NPAS3: variants seen among roughly 807,000 people sequenced by gnomAD.
The protein encoded by NPAS3 is neuronal PAS domain-containing protein 3.
NPAS3 carries 14 observed loss-of-function variants against 73.1 expected under a neutral mutation model. That is an observed-to-expected ratio of 0.19 (90% CI 0.13 to 0.30). The LOEUF (loss-of-function observed/expected upper bound fraction) is 0.30. Among genes scored for constraint, NPAS3 ranks in the 10% least tolerant of loss-of-function variants. The pLI, the probability that NPAS3 is intolerant of heterozygous loss-of-function variation, is 1.00. For synonymous variants in NPAS3, 620 were observed against 541.5 expected (o/e 1.14, Z -2.01); for missense variants, 1,096 against 1,250.0 (o/e 0.88, Z 1.86).
chr14:33,602,402 G>A (rs1160691268), intron 5 of NPAS3, among the ~76,000 whole-genome samples: 4 of 152,228 alleles, frequency 2.6e-5, no homozygotes, highest in South Asian at 4.1e-4. Context: ...CCTGTTATCA[G>A]GAGTAGAAGT....
chr14:33,578,257 G>C (rs1042151917), intron 5 of NPAS3: 1 of 455,140 alleles, frequency 2.2e-6, no homozygotes, highest in African/African-American at 2.0e-5. Flanking sequence ...GCAATGACGC[G>C]ATCTCAGCTC....
chr14:33,714,192 C>T (rs1279122496), intron 6 of NPAS3, among the ~76,000 whole-genome samples: 2 of 152,046 alleles, frequency 1.3e-5, no homozygotes, highest in East Asian at 1.9e-4. Flanking sequence ...TCTCCCTCAG[C>T]ATTTCATATT....
intron 1 of NPAS3, among the ~76,000 whole-genome samples, chr14:32,948,113 A>G (rs2036336165): frequency 6.6e-6 from 1 of 152,164 alleles, no homozygotes; most frequent in Non-Finnish European, 1.5e-5. Flanking sequence ...TCTTGCTACC[A>G]GCAGTTTTTA....
intron 7 of NPAS3, among the ~76,000 whole-genome samples, chr14:33,768,137 TG>T (rs1473765998): frequency 6.6e-6 from 1 of 152,236 alleles, no homozygotes; most frequent in Admixed American, 6.5e-5. Context: ...TCAAAGATGA[TG>T]GGATTTCAAC....
intron 4 of NPAS3, among the ~76,000 whole-genome samples, chr14:33,417,974 G>A (rs112942064): frequency 3.4e-4 from 51 of 151,968 alleles, no homozygotes; most frequent in African/African-American, 1.2e-3. Context: ...TTGCACACAC[G>A]CTCATTGTTT....
chr14:33,090,910 G>A (rs560348902), intron 2 of NPAS3, among the ~76,000 whole-genome samples: 52 of 152,246 alleles, frequency 3.4e-4, no homozygotes, highest in Non-Finnish European at 5.7e-4. Context: ...GGTACATAAC[G>A]AAATGAAGGC....
intron 4 of NPAS3, among the ~76,000 whole-genome samples, chr14:33,410,110 G>A (rs2047856494): frequency 6.6e-6 from 1 of 151,958 alleles, no homozygotes; most frequent in African/African-American, 2.4e-5. Flanking sequence ...ATCCTTTGCT[G>A]GTCCAGTGTC....
chr14:33,323,015 C>T (rs914276872), intron 3 of NPAS3, among the ~76,000 whole-genome samples: 1 of 152,182 alleles, frequency 6.6e-6, no homozygotes, highest in Admixed American at 6.5e-5. Flanking sequence ...AGGTCACCAT[C>T]ACTTCTCTCT....
At position 33,626,289 on chromosome 14, in the gene NPAS3, G is replaced by C. The variant is rs574066890; in HGVS notation, c.559-49922G>C. Among the ~76,000 whole-genome samples, 3 of 152,306 alleles carry C rather than the reference G, an allele frequency of 2.0e-5. No homozygotes were observed. In the South Asian group the frequency reaches 6.2e-4, roughly 32 times the overall value. On this transcript the variant is annotated intron_variant, in intron 5 of 11. Coordinates refer to ENST00000356141, the Ensembl canonical transcript of NPAS3. Reference sequence around the variant, plus strand: ...TACCTTTAGAGGGGGACTGCATGCAGTTACAATATTGAGTTCCAGAAGAGG... The same window carrying C: ...TACCTTTAGAGGGGGACTGCATGCACTTACAATATTGAGTTCCAGAAGAGG...
At chr14:33,490,934 C>T (rs1212460587) in intron 4 of NPAS3, among the ~76,000 whole-genome samples, 1 of 152,194 alleles carries the variant, frequency 6.6e-6, no homozygotes, top group Admixed American at 6.6e-5. Flanking sequence ...GGCTGAACCC[C>T]TAGCCCACAA....
chr14:33,593,205 C>G (rs2057129451), intron 5 of NPAS3, among the ~76,000 whole-genome samples: 1 of 152,116 alleles, frequency 6.6e-6, no homozygotes, highest in South Asian at 2.1e-4. Context: ...CATATCACCT[C>G]TAATCCTCTC....
At chr14:32,963,257 T>A (rs1404225567) in intron 1 of NPAS3, among the ~76,000 whole-genome samples, 1 of 152,210 alleles carries the variant, frequency 6.6e-6, no homozygotes, top group Non-Finnish European at 1.5e-5. Context: ...ATATTAGCTA[T>A]CTTTCAGATT....
chr14:33,657,744 A>G (rs1160906221), intron 5 of NPAS3, among the ~76,000 whole-genome samples: 1 of 152,120 alleles, frequency 6.6e-6, no homozygotes, highest in Non-Finnish European at 1.5e-5. Flanking sequence ...TTTATTTTTC[A>G]CATAAAATTG....
chr14:33,475,151 A>G (rs926384549), intron 4 of NPAS3, among the ~76,000 whole-genome samples: 9 of 152,132 alleles, frequency 5.9e-5, no homozygotes, highest in Non-Finnish European at 7.4e-5. Flanking sequence ...TCATCAACAT[A>G]GAAGTTTTGA....
chr14:33,125,448 C>T (rs2043393037), intron 2 of NPAS3, among the ~76,000 whole-genome samples: 1 of 151,270 alleles, frequency 6.6e-6, no homozygotes, highest in East Asian at 1.9e-4. Flanking sequence ...TTTTTTTTTC[C>T]TGACAATTCA....
Position 33,800,608 on chromosome 14 carries a change from GGGCGGGGGCGGCGGCGCGGGGGGCGGC to G in NPAS3, c.2305_2331del (p.Gly769_Gly777del). 7.5e-7 allele frequency: 1 copy of G among 1,327,426 alleles called. No individual in the cohort carries two copies. The highest frequency in any genetic ancestry group is 3.2e-5 in the East Asian group (1 of 31,392). 82.2% of individuals were successfully genotyped at this position (1,327,426 alleles called of 1,614,324 possible). ...ACCCCGGGAACGGCGGCGGGGGCGG[GGGCGGGGGCGGCGGCGCGGGGGGCGGC>G]GGCCCCAGCGCGTCCAACTCCTTGC... On this transcript the variant is annotated inframe_deletion, in exon 12 of 12. Coordinates refer to ENST00000356141, the Ensembl canonical transcript of NPAS3. This position sits in a 1 kb window ranked among gnomAD's most constrained non-coding sequence, Gnocchi z 6.5.
At chr14:33,143,747 G>A (rs2044143781) in intron 2 of NPAS3, among the ~76,000 whole-genome samples, 1 of 152,066 alleles carries the variant, frequency 6.6e-6, no homozygotes. Context: ...CCCACTGGCA[G>A]CCACAAGTCT....
chr14:33,585,087 A>G (rs2139905319), intron 5 of NPAS3, among the ~76,000 whole-genome samples: 1 of 152,140 alleles, frequency 6.6e-6, no homozygotes, highest in Admixed American at 6.5e-5. Flanking sequence ...CGCTTGGCTA[A>G]TAATACTGAG....
intron 6 of NPAS3, among the ~76,000 whole-genome samples, chr14:33,695,078 G>A (rs138920789): frequency 4.6e-5 from 7 of 152,230 alleles, no homozygotes; most frequent in African/African-American, 1.7e-4. Flanking sequence ...ATCACAAAAG[G>A]TTACTTCTTG....
Sources: gnomAD v4.1 joint callset for allele counts (sites outside exome capture counted in the v4.1 genomes callset) on GRCh38, gnomAD v4.1.1 for gene constraint, Gnocchi (gnomAD v3.1) non-coding constraint, MANE v1.5 for transcripts, NCBI Gene and HGNC (gene_info 2026-07-23, HGNC 2026-07-21) for gene names.